PPP2R5E: variants seen among roughly 807,000 people sequenced by gnomAD.
The protein encoded by PPP2R5E is protein phosphatase 2 regulatory subunit B'epsilon.
A neutral mutation model predicts 65.3 loss-of-function variants in PPP2R5E; 4 were observed. The ratio of observed to expected loss-of-function variants is 0.06; its 90% CI spans 0.03 to 0.14. The LOEUF (loss-of-function observed/expected upper bound fraction) is 0.14, where lower values mean the gene tolerates loss of function less well. Among genes scored for constraint, PPP2R5E ranks in the 10% least tolerant of loss-of-function variants. The probability of loss-of-function intolerance (pLI) is 1.00; values close to 1 mark genes in which losing one functional copy is unlikely to be tolerated. For synonymous variants in PPP2R5E, 183 were observed against 187.4 expected, an observed-to-expected ratio of 0.98 and a Z score of 0.19; for missense variants, 274 against 556.1, an observed-to-expected ratio of 0.49 and a Z score of 5.10.
At chr14:63,517,194 C>T (rs1032180167) in intron 2 of PPP2R5E, among the ~76,000 whole-genome samples, 1 of 152,034 alleles carries the variant, frequency 6.6e-6, no homozygotes, top group African/African-American at 2.4e-5. Context: ...ATAATTATTA[C>T]CAGCCTTGCT....
At position 63,542,707 on chromosome 14, in the gene PPP2R5E, C is replaced by CA. The variant is rs1240178498; in HGVS notation, c.-8+71dup. ...CCAGGCCTTCCCAAGGCCGGTGCCCCATAGGTTCCCCAGGAGGACCGGGAG... is the reference window on the plus strand; with the variant it reads ...CCAGGCCTTCCCAAGGCCGGTGCCCCAATAGGTTCCCCAGGAGGACCGGGAG... On this transcript the variant is annotated intron_variant, in intron 1 of 13. Coordinates refer to ENST00000337537, the MANE Select transcript of PPP2R5E (RefSeq NM_006246.5). 2.0e-5 allele frequency: 3 copies of CA among 153,162 alleles called. No homozygotes were observed. In the East Asian group the frequency reaches 5.8e-4, roughly 29 times the overall value. 9.5% of individuals were successfully genotyped at this position (153,162 alleles called of 1,614,324 possible).
intron 1 of PPP2R5E, among the ~76,000 whole-genome samples, chr14:63,542,363 G>C (rs1398033996): frequency 6.6e-6 from 1 of 152,132 alleles, no homozygotes; most frequent in Non-Finnish European, 1.5e-5. Context: ...GGGGGTAAGG[G>C]GAAGTAGGGA....
At position 63,448,696 on chromosome 14, in the gene PPP2R5E, G is replaced by A. The variant is rs559554513; in HGVS notation, c.354+4993C>T. On this transcript the variant is annotated intron_variant, in intron 3 of 13. Transcript: ENST00000337537. ...GCCAGCTACTCAGGAGGCTGAGGCAGGAGAATTGCTTAAACCCCGGAGGCG... is the reference window on the plus strand; with the variant it reads ...GCCAGCTACTCAGGAGGCTGAGGCAAGAGAATTGCTTAAACCCCGGAGGCG... 5.9e-5 allele frequency among the ~76,000 whole-genome samples: 9 copies of A among 151,302 alleles called. No homozygotes were observed. The East Asian group carries it at 1.8e-3, about 30-fold the overall frequency.
At chr14:63,384,930 G>A (rs183844416) in intron 11 of PPP2R5E, among the ~76,000 whole-genome samples, 3 of 152,148 alleles carry the variant, frequency 2.0e-5, no homozygotes, top group Admixed American at 6.5e-5. Context: ...TCCTGACCTC[G>A]TGATCCGCCC....
chr14:63,462,099 C>T (rs1330765288), intron 2 of PPP2R5E, among the ~76,000 whole-genome samples: 1 of 147,978 alleles, frequency 6.8e-6, no homozygotes, highest in African/African-American at 2.6e-5. Flanking sequence ...TAGACGGAGT[C>T]TCGCTCTGTT....
intron 5 of PPP2R5E, among the ~76,000 whole-genome samples, chr14:63,406,845 G>A (rs897352313): frequency 2.0e-5 from 3 of 152,168 alleles, no homozygotes; most frequent in Non-Finnish European, 2.9e-5. Flanking sequence ...AACCATATAC[G>A]TAGAGTTGAA....
chr14:63,488,086 CT>C (rs754067646), intron 2 of PPP2R5E, among the ~76,000 whole-genome samples: 9 of 152,176 alleles, frequency 5.9e-5, no homozygotes, highest in Non-Finnish European at 1.3e-4. Flanking sequence ...GTTTTTGCTT[CT>C]TTCCACCCCA....
chr14:63,381,092 T>A (rs1304799938), intron 13 of PPP2R5E, among the ~76,000 whole-genome samples: 3 of 152,180 alleles, frequency 2.0e-5, no homozygotes, highest in African/African-American at 7.2e-5. Flanking sequence ...GCGCAACTAC[T>A]AAGAGCTCTC....
At chr14:63,503,970 C>T (rs1255631) in intron 2 of PPP2R5E, among the ~76,000 whole-genome samples, 62,577 of 152,010 alleles carry the variant, frequency 0.41, 16,302 homozygotes, top group African/African-American at 0.75. Flanking sequence ...CAAAATCACA[C>T]GCCAGTGTCC....
chr14:63,416,085 T>C (rs892936621), intron 4 of PPP2R5E, among the ~76,000 whole-genome samples: 1 of 152,230 alleles, frequency 6.6e-6, no homozygotes, highest in African/African-American at 2.4e-5. Context: ...GGGGAATCAC[T>C]GCGTATTCTC....
At chr14:63,458,021 T>G (rs1889227259) in intron 2 of PPP2R5E, among the ~76,000 whole-genome samples, 1 of 152,174 alleles carries the variant, frequency 6.6e-6, no homozygotes, top group Non-Finnish European at 1.5e-5. Flanking sequence ...CACCTATCAA[T>G]TTTCATCAAT....
chr14:63,506,789 C>T (rs1311118149), intron 2 of PPP2R5E, among the ~76,000 whole-genome samples: 1 of 152,116 alleles, frequency 6.6e-6, no homozygotes, highest in Non-Finnish European at 1.5e-5. Flanking sequence ...AATCCCACTC[C>T]CAGGTATAAT....
intron 2 of PPP2R5E, among the ~76,000 whole-genome samples, chr14:63,534,827 G>A (rs886469223): frequency 6.6e-5 from 10 of 151,860 alleles, no homozygotes; most frequent in South Asian, 4.2e-4. Context: ...ACTATGTTGC[G>A]TAGGCTGGTC....
chr14:63,387,846 G>C (rs533616883), intron 11 of PPP2R5E, among the ~76,000 whole-genome samples: 15 of 152,324 alleles, frequency 9.8e-5, no homozygotes, highest in Non-Finnish European at 1.8e-4. Context: ...AAGAGGAAGA[G>C]AGTGAGATTG....
chr14:63,472,174 C>G (rs113414143), intron 2 of PPP2R5E, among the ~76,000 whole-genome samples: 3,727 of 152,242 alleles, frequency 0.024, 93 homozygotes, highest in African/African-American at 0.069. Context: ...GTGACAGGCG[C>G]CTGTAATCCC....
Position 63,539,707 on chromosome 14 carries a change from G to A in PPP2R5E, c.-7-15C>T. The A allele has an allele frequency of 6.2e-7, 1 of 1,608,668 alleles. No individual in the cohort carries two copies. Among genetic ancestry groups the A allele is most frequent in the South Asian group, 1.1e-5 (1 of 90,494 alleles). On this transcript the variant is annotated splice_polypyrimidine_tract_variant and intron_variant, in intron 1 of 13. Transcript: ENST00000337537. ...ACATATCCCTACTGAAGAGAAAGAA[G>A]TATCATAAACCCATACATTCCCAAG...
intron 2 of PPP2R5E, among the ~76,000 whole-genome samples, chr14:63,506,741 T>C (rs1295593939): frequency 6.6e-6 from 1 of 152,118 alleles, no homozygotes; most frequent in African/African-American, 2.4e-5. Context: ...TTTGGCAATA[T>C]CTCAGAAAGT....
intron 2 of PPP2R5E, among the ~76,000 whole-genome samples, chr14:63,480,482 G>C (rs1204157586): frequency 1.3e-5 from 2 of 152,170 alleles, no homozygotes; most frequent in East Asian, 3.9e-4. Context: ...GTCTTACTCT[G>C]TTACCCAGGC....
chr14:63,433,700 G>T (rs1338930295), intron 3 of PPP2R5E, among the ~76,000 whole-genome samples: 1 of 152,220 alleles, frequency 6.6e-6, no homozygotes, highest in Non-Finnish European at 1.5e-5. Context: ...GTTCTGCTGG[G>T]ATTTGAGAGA....
Sources: gnomAD v4.1 joint callset for allele counts (sites outside exome capture counted in the v4.1 genomes callset) on GRCh38, gnomAD v4.1.1 for gene constraint, MANE v1.5 for transcripts, NCBI Gene and HGNC (gene_info 2026-07-23, HGNC 2026-07-21) for gene names.